SPART: variants seen among roughly 807,000 people sequenced by gnomAD.
SPART encodes the protein spartin, also known as spastic paraplegia 20 (Troyer syndrome).
Under a neutral mutation model 58.7 loss-of-function variants are expected in SPART, and 35 were observed. The ratio of observed to expected loss-of-function variants is 0.60; its 90% CI spans 0.46 to 0.79. The LOEUF (loss-of-function observed/expected upper bound fraction) is 0.79. SPART is among the 30% of genes least tolerant of loss of function. The probability of loss-of-function intolerance (pLI) is 0.00; values close to 1 mark genes in which losing one functional copy is unlikely to be tolerated. For missense variants in SPART, 730 were observed against 786.1 expected, an observed-to-expected ratio of 0.93 and a Z score of 0.85; for synonymous variants, 284 against 280.7, an observed-to-expected ratio of 1.01 and a Z score of -0.12.
At chr13:36,354,090 C>A (rs1885526689) in intron 1 of SPART, among the ~76,000 whole-genome samples, 1 of 152,172 alleles carries the variant, frequency 6.6e-6, no homozygotes, top group Non-Finnish European at 1.5e-5. Flanking sequence ...CTATTCCCCC[C>A]TTTAAACCAT....
chr13:36,366,366 G>T (rs528704397), intron 1 of SPART, among the ~76,000 whole-genome samples: 1 of 152,072 alleles, frequency 6.6e-6, no homozygotes, highest in Non-Finnish European at 1.5e-5. Context: ...ACCACCATTA[G>T]CACCACATCA....
At chr13:36,353,853 T>C (rs1202786620) in intron 1 of SPART, among the ~76,000 whole-genome samples, 1 of 152,142 alleles carries the variant, frequency 6.6e-6, no homozygotes, top group Non-Finnish European at 1.5e-5. Flanking sequence ...AGTCACAGAG[T>C]GGTCTTGTCT....
At chr13:36,312,278 C>T in intron 7 of SPART, 41 bp downstream of exon 7, 2 of 1,613,902 alleles carry the variant, frequency 1.2e-6, no homozygotes, top group Non-Finnish European at 1.7e-6. Context: ...TAGTCCAAAG[C>T]AAACGGACCT....
chr13:36,329,667 C>A, intron 3 of SPART, 150 bp from the exon 4 acceptor site: 2 of 796,636 alleles, frequency 2.5e-6, no homozygotes, highest in East Asian at 2.6e-5. Context: ...TTTTTCTCTA[C>A]GATTCTCTTT....
chr13:36,366,907 T>A (rs955145032), intron 1 of SPART, among the ~76,000 whole-genome samples: 5 of 152,132 alleles, frequency 3.3e-5, no homozygotes, highest in Non-Finnish European at 7.4e-5. Context: ...ACTGAAGCAA[T>A]CAAACTCCAA....
chr13:36,310,350 A>G (rs1880965047), intron 8 of SPART, among the ~76,000 whole-genome samples: 1 of 152,102 alleles, frequency 6.6e-6, no homozygotes, highest in Non-Finnish European at 1.5e-5. Flanking sequence ...CAGGTCCTTC[A>G]TACTAGATTT....
At chr13:36,310,793 A>T (rs1319273641) in intron 8 of SPART, among the ~76,000 whole-genome samples, 1 of 152,162 alleles carries the variant, frequency 6.6e-6, no homozygotes, top group Non-Finnish European at 1.5e-5. Context: ...CAAAGGAAGA[A>T]CACCCATAGA....
intron 1 of SPART, among the ~76,000 whole-genome samples, chr13:36,356,999 T>C (rs925784648): frequency 6.6e-6 from 1 of 152,230 alleles, no homozygotes. Context: ...CCCACCAATA[T>C]GTGAATGTCT....
chr13:36,344,032 C>T (rs1459900679), intron 1 of SPART, among the ~76,000 whole-genome samples: 3 of 121,948 alleles, frequency 2.5e-5, no homozygotes, highest in African/African-American at 8.8e-5. Context: ...GACCTTGTCT[C>T]TTTAAAAAAA....
At chr13:36,341,560 G>A (rs963303315) in intron 1 of SPART, among the ~76,000 whole-genome samples, 18 of 152,118 alleles carry the variant, frequency 1.2e-4, no homozygotes, top group Non-Finnish European at 2.2e-4. Flanking sequence ...ACTGTCATTA[G>A]ATGTGGCAAT....
intron 2 of SPART, 71 bp downstream of exon 2, chr13:36,334,950 A>T (rs1593263281): frequency 8.5e-6 from 11 of 1,292,920 alleles, no homozygotes; most frequent in African/African-American, 1.5e-5. Flanking sequence ...CTGGACACAT[A>T]AACATTAACA....
intron 8 of SPART, among the ~76,000 whole-genome samples, chr13:36,306,261 G>A (rs925664775): frequency 7.2e-5 from 11 of 152,170 alleles, no homozygotes; most frequent in African/African-American, 2.7e-4. Context: ...TGATAGTGCA[G>A]GAGATGCACC....
intron 5 of SPART, among the ~76,000 whole-genome samples, chr13:36,322,005 G>A (rs904922826): frequency 7.3e-5 from 11 of 151,638 alleles, no homozygotes; most frequent in African/African-American, 2.4e-4. Flanking sequence ...ACTCCTGCCC[G>A]CCAGAGAACA....
intron 8 of SPART, among the ~76,000 whole-genome samples, chr13:36,306,886 T>C (rs1305393461): frequency 6.6e-6 from 1 of 152,244 alleles, no homozygotes; most frequent in African/African-American, 2.4e-5. Flanking sequence ...ACGATGTATA[T>C]GTGTGAAAGC....
chr13:36,362,283 T>C (rs968930817), intron 1 of SPART, among the ~76,000 whole-genome samples: 7 of 139,674 alleles, frequency 5.0e-5, no homozygotes, highest in African/African-American at 5.5e-5. Flanking sequence ...CCCCAGGAGG[T>C]GGAGGTTGCA....
At position 36,335,105 on chromosome 13, in the gene SPART, A is replaced by G. The variant is rs561527007; in HGVS notation, c.726T>C (p.Pro242=). 6.2e-7 allele frequency: 1 copy of G among 1,614,184 alleles called. No homozygotes were observed. The highest frequency in any genetic ancestry group is 2.2e-5 in the East Asian group (1 of 44,880). The stretch of plus-strand genomic sequence containing the variant: ...CAATTCGAAGGTACCCAGGATACGA[A>G]GGTGCACTAACCTCCCCTGCAGGAT... ...FVNPAGEVSA[P]SYPGYLRIVR... The change falls in exon 2 of 9, where the codon CCT becomes CCC. Residue 242 remains proline, a synonymous_variant. Coordinates refer to ENST00000438666, the MANE Select transcript of SPART (RefSeq NM_015087.5).
chr13:36,308,248 G>A (rs981499374), intron 8 of SPART, among the ~76,000 whole-genome samples: 2 of 152,006 alleles, frequency 1.3e-5, no homozygotes, highest in African/African-American at 4.8e-5. Flanking sequence ...TTTCTACTTT[G>A]GGCCAGATTA....
At position 36,356,179 on chromosome 13, in the gene SPART, C is replaced by A. The variant is rs145941176; in HGVS notation, c.-3+13910G>T. On this transcript the variant is annotated intron_variant, in intron 1 of 8. Transcript: ENST00000355182. ...TCCGGAGTCTACAATATCAATTACC[C>A]CCTAGTGGTGTTGACTCAAGCCTTT... Among the ~76,000 whole-genome samples the A allele has an allele frequency of 2.6e-3, 403 of 152,240 alleles. 3 individuals carry two copies. Among genetic ancestry groups the A allele is most frequent in the African/African-American group, 9.2e-3 (382 of 41,536 alleles).
intron 1 of SPART, among the ~76,000 whole-genome samples, chr13:36,353,722 G>A (rs1885511884): frequency 6.6e-6 from 1 of 152,180 alleles, no homozygotes; most frequent in Non-Finnish European, 1.5e-5. Context: ...AGAAGCAGCA[G>A]TCACTCGTAT....
Sources: allele counts gnomAD v4.1 joint callset (sites outside exome capture counted in the v4.1 genomes callset), GRCh38; gene constraint gnomAD v4.1.1; transcripts MANE v1.5; gene names NCBI Gene and HGNC (gene_info 2026-07-23, HGNC 2026-07-21).